CLIP4: variants seen among roughly 807,000 people sequenced by gnomAD.
CLIP4 encodes the protein CAP-Gly domain containing linker protein family member 4.
Under a neutral mutation model 73.1 loss-of-function variants are expected in CLIP4, and 47 were observed. That is an observed-to-expected ratio of 0.64 (90% CI 0.51 to 0.82). CLIP4 has a LOEUF of 0.82. Ranked by LOEUF, CLIP4 falls within the 40% of genes least tolerant of loss-of-function variation. The pLI, the probability that CLIP4 is intolerant of heterozygous loss-of-function variation, is 0.00. For synonymous variants in CLIP4, 306 were observed against 295.4 expected (o/e 1.04, Z -0.37); for missense variants, 874 against 852.9 (o/e 1.02, Z -0.31).
At chr2:29,124,992 C>A (rs559965982) in intron 2 of CLIP4, among the ~76,000 whole-genome samples, 1 of 152,266 alleles carries the variant, frequency 6.6e-6, no homozygotes, top group East Asian at 1.9e-4. Context: ...TTGTTAGATG[C>A]TGGATATTTT....
chr2:29,103,151 C>T (rs1399206844), intron 1 of CLIP4, among the ~76,000 whole-genome samples: 1 of 152,174 alleles, frequency 6.6e-6, no homozygotes, highest in Non-Finnish European at 1.5e-5. Context: ...CTTCTCTATA[C>T]AGGGTTGCCA....
chr2:29,135,073 A>G (rs1427032544), intron 5 of CLIP4, among the ~76,000 whole-genome samples: 3 of 152,168 alleles, frequency 2.0e-5, no homozygotes, highest in Non-Finnish European at 2.9e-5. Context: ...AAGTAGCCAC[A>G]GAGGATATGT....
Position 29,140,649 on chromosome 2 carries a change from C to T in CLIP4, c.649-3060C>T, listed in dbSNP as rs985202610. On this transcript the variant is annotated intron_variant, in intron 6 of 15. Transcript: ENST00000320081. ...TTCTAGTTCTAGATCCCTGAGGAATCGCCACACTGACTTCCACAATGGTTG... is the reference window on the plus strand; with the variant it reads ...TTCTAGTTCTAGATCCCTGAGGAATTGCCACACTGACTTCCACAATGGTTG... Among the ~76,000 whole-genome samples, 35 of 152,234 alleles carry T rather than the reference C, an allele frequency of 2.3e-4. 1 individual carries two copies. Among genetic ancestry groups the T allele is most frequent in the South Asian group, 1.0e-3 (5 of 4,824 alleles).
intron 2 of CLIP4, chr2:29,130,609 G>A: frequency 1.8e-6 from 2 of 1,104,198 alleles, no homozygotes; most frequent in Non-Finnish European, 2.2e-6. Context: ...CTTCTATTTT[G>A]ATTTTTGCCT....
rs1481378510 is a variant in CLIP4 at position 29,143,714 on chromosome 2, C to A, written c.654C>A (p.Asp218Glu). The change falls in exon 7 of 16, where the codon GAC becomes GAA. Residue 218 changes from aspartate to glutamate, a missense_variant. Coordinates refer to ENST00000320081, the MANE Select transcript of CLIP4 (RefSeq NM_024692.6). ...EQGANPAFRNDKGQIPADVVP... is the reference protein window; with the variant it reads ...EQGANPAFRNEKGQIPADVVP... ...TCTCTTATCTTTATTTGTAGAATGA[C>A]AAAGGACAGATCCCTGCTGATGTTG... The A allele has an allele frequency of 6.2e-7, 1 of 1,605,888 alleles. No individual in the cohort carries two copies.
rs1371657124 is a variant in CLIP4 at position 29,115,495 on chromosome 2, C to G, written c.-186C>G. On this transcript the variant is annotated 5_prime_UTR_variant, in exon 1 of 16. Coordinates refer to ENST00000320081, the MANE Select transcript of CLIP4 (RefSeq NM_024692.6). The surrounding 1 kb of genome is among the most constrained non-coding windows in gnomAD (Gnocchi z 5.1). ...CCCGGCCGCCTGCACTGCGCGCGCG[C>G]CCACCCCGCGTGGGAGGCAGCGGGA... 1 of 148,216 alleles carries G rather than the reference C, an allele frequency of 6.7e-6. No homozygotes were observed. The highest frequency in any genetic ancestry group is 1.9e-4 in the East Asian group (1 of 5,130). 9.2% of individuals were successfully genotyped at this position (148,216 alleles called of 1,614,324 possible).
In CLIP4 at chr2:29,152,568, A is replaced by C. The variant is rs535613721; in HGVS notation, c.1022-117A>C. On this transcript the variant is annotated intron_variant, in intron 8 of 15. Coordinates refer to ENST00000320081, the MANE Select transcript of CLIP4 (RefSeq NM_024692.6). The stretch of plus-strand genomic sequence containing the variant: ...ACATTTTTTTTCCTCTCATCATAGG[A>C]CATGCAGTGGGCACTAAAGGTTTAT... 352 of 1,009,218 alleles carry C rather than the reference A, an allele frequency of 3.5e-4. 3 individuals carry two copies. Among genetic ancestry groups the C allele is most frequent in the Middle Eastern group, 2.9e-3 (10 of 3,426 alleles). The allele number at this position is 1,009,218 out of a possible 1,614,324, so 62.5% of individuals were successfully genotyped here. A position where few individuals can be genotyped will look rare whatever the true frequency, so the allele number is the denominator to read the frequency against.
At chr2:29,173,553 G>C (rs929633144) in intron 14 of CLIP4, among the ~76,000 whole-genome samples, 1 of 152,120 alleles carries the variant, frequency 6.6e-6, no homozygotes, top group African/African-American at 2.4e-5. Context: ...CAATTACTTT[G>C]GTGCTTGGAG....
intron 1 of CLIP4, chr2:29,118,457 T>C (rs1005379780): frequency 6.6e-6 from 1 of 152,214 alleles, no homozygotes; most frequent in Non-Finnish European, 1.5e-5. Flanking sequence ...TTTGGGGAAT[T>C]TGATTCTAGC....
At chr2:29,111,267 T>C (rs1387337704), upstream of CLIP4, among the ~76,000 whole-genome samples, 1 of 152,266 alleles carries the variant, frequency 6.6e-6, no homozygotes, top group Non-Finnish European at 1.5e-5. Context: ...TCTGCCATGC[T>C]GGTGGGTGAA....
intron 14 of CLIP4, among the ~76,000 whole-genome samples, chr2:29,171,992 C>G (rs1668035917): frequency 7.0e-6 from 1 of 142,542 alleles, no homozygotes; most frequent in Non-Finnish European, 1.5e-5. Flanking sequence ...TTTATTCTGG[C>G]TATATTCCCA....
chr2:29,161,580 C>G (rs1225826299), intron 12 of CLIP4, among the ~76,000 whole-genome samples: 10 of 152,134 alleles, frequency 6.6e-5, no homozygotes, highest in African/African-American at 2.4e-4. Flanking sequence ...ACAAAGCACT[C>G]TAGTACTCAC....
intron 11 of CLIP4, 26 bp from the exon 12 acceptor site, chr2:29,160,307 C>T: frequency 6.2e-7 from 1 of 1,613,774 alleles, no homozygotes; most frequent in Non-Finnish European, 8.5e-7. Flanking sequence ...CTGCCCTGCC[C>T]CTGTATCCCT....
At chr2:29,125,319 G>A (rs972667453) in intron 2 of CLIP4, among the ~76,000 whole-genome samples, 4 of 152,200 alleles carry the variant, frequency 2.6e-5, no homozygotes, top group Non-Finnish European at 5.9e-5. Context: ...AATCCCTGTA[G>A]TCCTTATGGA....
chr2:29,152,903 G>T (rs1666674678), intron 9 of CLIP4, 75 bp downstream of exon 9: 14 of 1,511,538 alleles, frequency 9.3e-6, no homozygotes, highest in Non-Finnish European at 1.2e-5. Context: ...TATTTAGATT[G>T]CTTCACTTTT....
intron 14 of CLIP4, among the ~76,000 whole-genome samples, chr2:29,170,126 A>G (rs1667908481): frequency 6.6e-6 from 1 of 152,118 alleles, no homozygotes; most frequent in South Asian, 2.1e-4. Flanking sequence ...TATTATGTAT[A>G]TATACTATAT....
rs531078315 is a variant in CLIP4, at chr2:29,109,154, T to C, written c.-16+11207T>C. 2.6e-5 allele frequency among the ~76,000 whole-genome samples: 4 copies of C among 152,334 alleles called. No homozygotes were observed. The East Asian group carries it at 7.7e-4, about 29-fold the overall frequency. On this transcript the variant is annotated intron_variant, in intron 1 of 14. Transcript: ENST00000401605. ...CAGAGTCCGTTTCAGTGGCAAGTGC[T>C]GGGGAGATTGTTGGACTGACATCCT... is the stretch of plus-strand genomic sequence containing the variant.
chr2:29,171,481 G>C (rs961415352), intron 14 of CLIP4, among the ~76,000 whole-genome samples: 8 of 147,894 alleles, frequency 5.4e-5, no homozygotes, highest in Admixed American at 3.4e-4. Context: ...ATGTTCTTAT[G>C]TTTTTAGAAT....
chr2:29,109,643 A>G (rs562118969), intron 1 of CLIP4, among the ~76,000 whole-genome samples: 1 of 152,324 alleles, frequency 6.6e-6, no homozygotes, highest in African/African-American at 2.4e-5. Flanking sequence ...AAGACTTTGC[A>G]TCATGTGGTG....
Sources: gnomAD v4.1 joint callset for allele counts (sites outside exome capture counted in the v4.1 genomes callset) on GRCh38, gnomAD v4.1.1 for gene constraint, Gnocchi (gnomAD v3.1) non-coding constraint, MANE v1.5 for transcripts, NCBI Gene and HGNC (gene_info 2026-07-23, HGNC 2026-07-21) for gene names.